Variants in RCAN2 observed in about 807,000 individuals in gnomAD.
RCAN2 encodes regulator of calcineurin 2.
In RCAN2, 9 loss-of-function variants were observed where a neutral mutation model predicts 23.6. That is an observed-to-expected ratio of 0.38 (90% CI 0.23 to 0.67). The LOEUF is 0.67. Among genes scored for constraint, RCAN2 ranks in the 30% least tolerant of loss-of-function variants. The pLI is 0.51. For synonymous variants in RCAN2, 109 were observed against 115.7 expected, an observed-to-expected ratio of 0.94 and a Z score of 0.37; for missense variants, 273 against 302.3, an observed-to-expected ratio of 0.90 and a Z score of 0.72.
At chr6:46,403,572 C>CA (rs35037427) in intron 2 of RCAN2, among the ~76,000 whole-genome samples, 67,988 of 122,422 alleles carry the variant, frequency 0.56, 17,676 homozygotes, top group East Asian at 0.69. Flanking sequence ...AACTCCGTAT[C>CA]AAAAAAAAAA....
chr6:46,362,149 A>C (rs906383216), intron 2 of RCAN2, among the ~76,000 whole-genome samples: 1 of 152,218 alleles, frequency 6.6e-6, no homozygotes, highest in Non-Finnish European at 1.5e-5. Flanking sequence ...GACCCAACTT[A>C]GGGTAGTCAC....
intron 2 of RCAN2, among the ~76,000 whole-genome samples, chr6:46,296,065 TCG>T: frequency 1.0e-5 from 1 of 97,888 alleles, no homozygotes; most frequent in East Asian, 3.0e-4. Context: ...TCCAATAGCT[TCG>T]TGTGTGTGTG....
chr6:46,314,425 A>T (rs1243153140), intron 2 of RCAN2, among the ~76,000 whole-genome samples: 1 of 151,768 alleles, frequency 6.6e-6, no homozygotes, highest in Non-Finnish European at 1.5e-5. Context: ...GTTTTATGAT[A>T]TAAGTTTATA....
intron 2 of RCAN2, among the ~76,000 whole-genome samples, chr6:46,370,151 C>A (rs1363944493): frequency 1.3e-5 from 2 of 152,152 alleles, no homozygotes; most frequent in Admixed American, 6.5e-5. Flanking sequence ...TCTGAATTCC[C>A]TGCCCAGTTA....
At chr6:46,430,140 T>C (rs940001881) in intron 2 of RCAN2, among the ~76,000 whole-genome samples, 1 of 152,188 alleles carries the variant, frequency 6.6e-6, no homozygotes, top group East Asian at 1.9e-4. Context: ...GTGAAATGCA[T>C]TGAAGAACAG....
intron 2 of RCAN2, among the ~76,000 whole-genome samples, chr6:46,418,695 GTATATATATATATATATATA>G (rs70996369): frequency 4.9e-5 from 6 of 121,338 alleles, no homozygotes; most frequent in South Asian, 2.9e-4. Context: ...ATGTGTGTGT[GTATATATATATATATATATA>G]TATATATATA....
intron 2 of RCAN2, among the ~76,000 whole-genome samples, chr6:46,373,761 G>A (rs1765389722): frequency 6.6e-6 from 1 of 152,144 alleles, no homozygotes; most frequent in Non-Finnish European, 1.5e-5. Context: ...CTTTTTGACT[G>A]AGACTTTTGA....
At chr6:46,383,070 G>A (rs1450138068) in intron 2 of RCAN2, among the ~76,000 whole-genome samples, 1 of 151,972 alleles carries the variant, frequency 6.6e-6, no homozygotes, top group Non-Finnish European at 1.5e-5. Context: ...ATTTCTATCA[G>A]GAACTTGAAC....
At chr6:46,388,457 C>A (rs1765832002) in intron 2 of RCAN2, among the ~76,000 whole-genome samples, 1 of 151,940 alleles carries the variant, frequency 6.6e-6, no homozygotes, top group Admixed American at 6.6e-5. Flanking sequence ...GATATATACC[C>A]AAAGGATTAT....
At chr6:46,390,784 G>C (rs752032368) in intron 2 of RCAN2, among the ~76,000 whole-genome samples, 5 of 152,200 alleles carry the variant, frequency 3.3e-5, no homozygotes, top group Non-Finnish European at 5.9e-5. Flanking sequence ...GGAGCAATGA[G>C]AGCCATTTTT....
At chr6:46,426,467 T>C (rs1767035825) in intron 2 of RCAN2, among the ~76,000 whole-genome samples, 1 of 152,178 alleles carries the variant, frequency 6.6e-6, no homozygotes, top group Admixed American at 6.5e-5. Flanking sequence ...AGACAAGCAA[T>C]TTTACCGCTT....
chr6:46,225,806 A>G (rs551844969), intron 4 of RCAN2, among the ~76,000 whole-genome samples: 2 of 152,238 alleles, frequency 1.3e-5, no homozygotes, highest in East Asian at 3.9e-4. Context: ...CCCATTTGTC[A>G]ATTTTGGCTT....
At chr6:46,248,669 T>G (rs1766604591) in intron 3 of RCAN2, 54 bp downstream of exon 3, 14 of 1,393,474 alleles carry the variant, frequency 1.0e-5, no homozygotes, top group Non-Finnish European at 1.2e-5. Flanking sequence ...CATTTTAAAA[T>G]GGTAAAAAAT....
rs190151283 is a variant in RCAN2, at chr6:46,348,460, A to G, written c.226-99564T>C. On this transcript the variant is annotated intron_variant, in intron 2 of 4. Transcript: ENST00000371374. ...CAAGCACATTTTGAGGAGCTTCTGTACCTCACTGCTGACTCTAGGGCCCCA... is the reference window on the plus strand; with the variant it reads ...CAAGCACATTTTGAGGAGCTTCTGTGCCTCACTGCTGACTCTAGGGCCCCA... Among the ~76,000 whole-genome samples, 17 of 152,102 alleles carry G rather than the reference A, an allele frequency of 1.1e-4. No individual in the cohort carries two copies. The East Asian group carries it at 3.3e-3, about 30-fold the overall frequency.
At chr6:46,264,218 A>G (rs1288664726) in intron 2 of RCAN2, among the ~76,000 whole-genome samples, 3 of 152,244 alleles carry the variant, frequency 2.0e-5, no homozygotes, top group Non-Finnish European at 4.4e-5. Flanking sequence ...GTTAAATTAA[A>G]GGGCTAAATC....
At chr6:46,390,865 T>C (rs1765912487) in intron 2 of RCAN2, among the ~76,000 whole-genome samples, 2 of 152,152 alleles carry the variant, frequency 1.3e-5, no homozygotes, top group Non-Finnish European at 2.9e-5. Context: ...CAATAATAAC[T>C]CTATTGTATG....
chr6:46,330,994 G>A (rs1763949430), intron 2 of RCAN2, among the ~76,000 whole-genome samples: 1 of 152,064 alleles, frequency 6.6e-6, no homozygotes, highest in African/African-American at 2.4e-5. Context: ...TCTCTCTTTT[G>A]TGGTATTAGT....
chr6:46,293,280 A>C (rs1049853012), intron 2 of RCAN2, among the ~76,000 whole-genome samples: 15 of 152,314 alleles, frequency 9.8e-5, no homozygotes, highest in Admixed American at 9.8e-4. Context: ...CCTTGGAATT[A>C]AGCTGAAAAA....
At position 46,246,807 on chromosome 6, in the gene RCAN2, T is replaced by G. The variant is rs201378585; in HGVS notation, c.512A>C (p.Asn171Thr). The change falls in exon 4 of 5, where the codon AAC (asparagine) becomes ACC (threonine). Residue 171 changes from asparagine to threonine, a missense_variant. Physicochemically the swap from Asn to Thr is moderately conservative, Grantham distance 65 (BLOSUM62 0). Transcript: ENST00000371374. ...ATAGTTGAGGACTGGCGTGGCATCGTTGATGGGCTGCCAGCCAACAGGTGG... is the reference window on the plus strand; with the variant it reads ...ATAGTTGAGGACTGGCGTGGCATCGGTGATGGGCTGCCAGCCAACAGGTGG... ...SSPPVGWQPI[N>T]DATPVLNYDL... The G allele has an allele frequency of 6.2e-7, 1 of 1,613,634 alleles. No individual in the cohort carries two copies. Among genetic ancestry groups the G allele is most frequent in the Middle Eastern group, 1.7e-4 (1 of 5,954 alleles).
Sources: gnomAD v4.1 joint callset for allele counts (sites outside exome capture counted in the v4.1 genomes callset) on GRCh38, gnomAD v4.1.1 for gene constraint, MANE v1.5 for transcripts, NCBI Gene and HGNC (gene_info 2026-07-23, HGNC 2026-07-21) for gene names.